The following LMO2 variants were observed in gnomAD, a reference collection of about 807,000 sequenced individuals.
LMO2 encodes rhombotin-2.
A neutral mutation model predicts 23.2 loss-of-function variants in LMO2; 20 were observed. The observed-to-expected ratio is 0.86, with a 90% CI of 0.61 to 1.25. The LOEUF (loss-of-function observed/expected upper bound fraction) is 1.25, where lower values mean the gene tolerates loss of function less well. LMO2 is among the 50% of genes most tolerant of loss of function. The probability of loss-of-function intolerance (pLI) is 0.00; values close to 1 mark genes in which losing one functional copy is unlikely to be tolerated. For missense variants in LMO2, 270 were observed against 315.3 expected, an observed-to-expected ratio of 0.86 and a Z score of 1.09; for synonymous variants, 123 against 130.2, an observed-to-expected ratio of 0.94 and a Z score of 0.38.
At chr11:33,859,599 A>G in intron 5 of LMO2, 24 bp from the exon 6 acceptor site, 4 of 1,608,906 alleles carry the variant, frequency 2.5e-6, no homozygotes, top group Non-Finnish European at 3.4e-6. Flanking sequence ...AAGAAAAGCT[A>G]AGAAGACAGT....
At chr11:33,890,767 C>T (rs1344412407) in intron 1 of LMO2, among the ~76,000 whole-genome samples, 1 of 152,130 alleles carries the variant, frequency 6.6e-6, no homozygotes, top group African/African-American at 2.4e-5. Flanking sequence ...CAGCTACTAT[C>T]CAAGCACTTC....
chr11:33,860,943 A>G (rs1296833365), intron 5 of LMO2, among the ~76,000 whole-genome samples: 1 of 152,234 alleles, frequency 6.6e-6, no homozygotes, highest in Non-Finnish European at 1.5e-5. Flanking sequence ...AAGTGCAGTA[A>G]CACAAGTACC....
intron 4 of LMO2, among the ~76,000 whole-genome samples, chr11:33,867,573 G>T (rs1265060464): frequency 6.6e-6 from 1 of 152,130 alleles, no homozygotes; most frequent in African/African-American, 2.4e-5. Flanking sequence ...GGATTTCTGG[G>T]ACAATCATAA....
At chr11:33,870,809 CAGAG>C (rs2133701206) in intron 2 of LMO2, among the ~76,000 whole-genome samples, 1 of 152,298 alleles carries the variant, frequency 6.6e-6, no homozygotes, top group African/African-American at 2.4e-5. Context: ...GGGTCAGGCA[CAGAG>C]AAAGAAGGCG....
At chr11:33,863,629 G>A (rs747658854) in intron 5 of LMO2, among the ~76,000 whole-genome samples, 1 of 152,086 alleles carries the variant, frequency 6.6e-6, no homozygotes, top group Non-Finnish European at 1.5e-5. Flanking sequence ...AGGGCACAGA[G>A]ACAGTTACCT....
chr11:33,870,021 A>G, intron 2 of LMO2, 34 bp from the exon 3 acceptor site: 1 of 918,698 alleles, frequency 1.1e-6, no homozygotes, highest in Non-Finnish European at 1.3e-6. Flanking sequence ...GAAGGAAATC[A>G]CATTTAAAGA....
intron 1 of LMO2, among the ~76,000 whole-genome samples, chr11:33,891,380 C>CAT (rs1565040101): frequency 7.3e-6 from 1 of 136,284 alleles, no homozygotes; most frequent in Non-Finnish European, 1.6e-5. Flanking sequence ...CACACACACA[C>CAT]ACACACACAT....
At position 33,880,204 on chromosome 11, in the gene LMO2, G is replaced by GATATATATATCATATATACACATGAT. The variant is rs1565034605; in HGVS notation, c.-272+1594_-272+1619dup. ...TGATATATATATCATATATACACAT[G>GATATATATATCATATATACACATGAT]ATATATATATCATATATACACATGA... On this transcript the variant is annotated intron_variant, in intron 2 of 5. Coordinates refer to ENST00000257818, the MANE Select transcript of LMO2 (RefSeq NM_005574.4). The surrounding 1 kb of genome is among the most constrained non-coding windows in gnomAD (Gnocchi z 4.3). Among the ~76,000 whole-genome samples, 58 of 77,710 alleles carry GATATATATATCATATATACACATGAT rather than the reference G, an allele frequency of 7.5e-4. 3 individuals are homozygous for GATATATATATCATATATACACATGAT. Among genetic ancestry groups the GATATATATATCATATATACACATGAT allele is most frequent in the Middle Eastern group, 0.02 (2 of 100 alleles). 51.0% of individuals were successfully genotyped at this position (77,710 alleles called of 152,430 possible).
intron 2 of LMO2, among the ~76,000 whole-genome samples, chr11:33,870,688 A>G (rs1264416694): frequency 6.6e-6 from 1 of 152,198 alleles, no homozygotes; most frequent in Non-Finnish European, 1.5e-5. Flanking sequence ...CCTTTCAGAA[A>G]GCGGACTCCT....
intron 2 of LMO2, chr11:33,870,897 G>C (rs1047242954): frequency 4.8e-6 from 1 of 209,042 alleles, no homozygotes; most frequent in Non-Finnish European, 8.3e-6. Context: ...GAGGGGAAGC[G>C]GGGGAGGCTA....
chr11:33,864,878 C>A lies in LMO2; in HGVS notation c.249-61G>T. 2.6e-6 allele frequency: 4 copies of A among 1,522,832 alleles called. No individual in the cohort carries two copies. The highest frequency in any genetic ancestry group is 3.6e-6 in the Non-Finnish European group (4 of 1,105,834). 94.3% of individuals were successfully genotyped at this position (1,522,832 alleles called of 1,614,324 possible). On this transcript the variant is annotated intron_variant, in intron 4 of 5. Transcript: ENST00000257818. The surrounding 1 kb of genome is among the most constrained non-coding windows in gnomAD (Gnocchi z 4.8). ...CAGAGTGAGACCAGCACCGAGGGTCCGAGATCGTTTTGGGCCAGACAGGGC... is the reference window on the plus strand; with the variant it reads ...CAGAGTGAGACCAGCACCGAGGGTCAGAGATCGTTTTGGGCCAGACAGGGC...
At position 33,859,009 on chromosome 11, in the gene LMO2, T is replaced by TCTGTACA; in HGVS notation, c.*340_*346dup. The TCTGTACA allele has an allele frequency of 3.1e-6, 1 of 318,470 alleles. No homozygotes were observed. The highest frequency in any genetic ancestry group is 5.9e-6 in the Non-Finnish European group (1 of 169,968). 19.7% of individuals were successfully genotyped at this position (318,470 alleles called of 1,614,324 possible). ...TCGCAAGCGTCAAAGTCACAACAAG[T>TCTGTACA]CTGTACACAACAACTCTCTATCTGT... On this transcript the variant is annotated 3_prime_UTR_variant, in exon 6 of 6. Transcript: ENST00000257818.
chr11:33,891,541 C>A (rs1319865460), intron 1 of LMO2, among the ~76,000 whole-genome samples: 1 of 152,098 alleles, frequency 6.6e-6, no homozygotes, highest in African/African-American at 2.4e-5. Context: ...TAGCAACCAG[C>A]GGCTCACACA....
At chr11:33,869,193 G>A (rs973754780) in intron 4 of LMO2, among the ~76,000 whole-genome samples, 153 bp downstream of exon 4, 1 of 152,132 alleles carries the variant, frequency 6.6e-6, no homozygotes, top group African/African-American at 2.4e-5. Flanking sequence ...TCACCCGGGA[G>A]GAAGGAGGAG....
chr11:33,871,782 A>C (rs1253873213), intron 2 of LMO2, among the ~76,000 whole-genome samples: 1 of 152,168 alleles, frequency 6.6e-6, no homozygotes, highest in African/African-American at 2.4e-5. Flanking sequence ...GTGGTGGTTA[A>C]ACGCTGGAAT....
At chr11:33,885,642 A>G (rs1857387715) in intron 1 of LMO2, among the ~76,000 whole-genome samples, 1 of 152,226 alleles carries the variant, frequency 6.6e-6, no homozygotes, top group African/African-American at 2.4e-5. Context: ...ATTGTGCCCA[A>G]TGGGGAGGAA....
chr11:33,875,068 A>G (rs1857104470), intron 2 of LMO2, among the ~76,000 whole-genome samples: 2 of 152,186 alleles, frequency 1.3e-5, no homozygotes, highest in African/African-American at 4.8e-5. Flanking sequence ...CCCTGCTCCC[A>G]CTGCAGCAGT....
rs549726620 is a variant in LMO2, at chr11:33,875,541, G to A, written c.-271-5554C>T. Among the ~76,000 whole-genome samples, 7 of 137,844 alleles carry A rather than the reference G, an allele frequency of 5.1e-5. No individual in the cohort carries two copies. In the East Asian group the frequency reaches 1.5e-3, roughly 30 times the overall value. 90.4% of individuals were successfully genotyped at this position (137,844 alleles called of 152,430 possible). ...TGCAGTGAACTGAGACCGTGCCGTT[G>A]CACTCAAGCCTGGGCGATAAGAGCA... On this transcript the variant is annotated intron_variant, in intron 2 of 5. Transcript: ENST00000257818.
intron 1 of LMO2, among the ~76,000 whole-genome samples, chr11:33,889,770 T>C (rs1334080394): frequency 6.6e-6 from 1 of 152,210 alleles, no homozygotes; most frequent in Non-Finnish European, 1.5e-5. Flanking sequence ...AAATTAGAAC[T>C]ACCATTCAAT....
Sources: allele counts gnomAD v4.1 joint callset (sites outside exome capture counted in the v4.1 genomes callset), GRCh38; gene constraint gnomAD v4.1.1; non-coding constraint Gnocchi (gnomAD v3.1); transcripts MANE v1.5; gene names NCBI Gene and HGNC (gene_info 2026-07-23, HGNC 2026-07-21).